UBA6: variants seen among roughly 807,000 people sequenced by gnomAD.
The protein encoded by UBA6 is ubiquitin-like modifier-activating enzyme 6.
A neutral mutation model predicts 148.3 loss-of-function variants in UBA6; 87 were observed. The observed-to-expected ratio is 0.59, with a 90% CI of 0.49 to 0.70. The LOEUF is 0.70. Ranked by LOEUF, UBA6 falls within the 30% of genes least tolerant of loss-of-function variation. UBA6 has a pLI of 0.00. For missense variants in UBA6, 1,186 were observed against 1,241.2 expected, an observed-to-expected ratio of 0.96 and a Z score of 0.67; for synonymous variants, 376 against 401.0, an observed-to-expected ratio of 0.94 and a Z score of 0.75.
At chr4:67,666,647 G>A (rs553684103) in intron 9 of UBA6, among the ~76,000 whole-genome samples, 3 of 152,140 alleles carry the variant, frequency 2.0e-5, no homozygotes, top group Non-Finnish European at 2.9e-5. Flanking sequence ...CAGCCAAGGC[G>A]AGAGGATCAC....
At chr4:67,637,285 C>A (rs1451357211) in intron 19 of UBA6, among the ~76,000 whole-genome samples, 2 of 150,704 alleles carry the variant, frequency 1.3e-5, no homozygotes, top group Non-Finnish European at 3.0e-5. Context: ...GCAGCCCCTG[C>A]CCGGCCAGCC....
At chr4:67,636,813 C>A (rs1364973985) in intron 19 of UBA6, among the ~76,000 whole-genome samples, 1 of 152,064 alleles carries the variant, frequency 6.6e-6, no homozygotes, top group Non-Finnish European at 1.5e-5. Flanking sequence ...CCGGCCGCCA[C>A]CCCGTCTGGG....
At chr4:67,677,944 A>T (rs568276371) in intron 5 of UBA6, among the ~76,000 whole-genome samples, 1 of 151,634 alleles carries the variant, frequency 6.6e-6, no homozygotes, top group South Asian at 2.1e-4. Flanking sequence ...CACAATCTCA[A>T]AGTGTACCCT....
At chr4:67,654,566 C>T (rs1002822764) in intron 13 of UBA6, among the ~76,000 whole-genome samples, 1 of 152,106 alleles carries the variant, frequency 6.6e-6, no homozygotes, top group African/African-American at 2.4e-5. Flanking sequence ...TAACTGGTAC[C>T]AGCCACTGCA....
intron 5 of UBA6, among the ~76,000 whole-genome samples, chr4:67,677,991 T>C (rs180688323): frequency 7.5e-6 from 1 of 133,264 alleles, no homozygotes; most frequent in Non-Finnish European, 1.7e-5. Flanking sequence ...ACTTTCTTAA[T>C]AATTTAGCAA....
chr4:67,622,829 AC>A lies in UBA6; in HGVS notation c.3023+1del. 1 of 1,602,818 alleles carries A rather than the reference AC, an allele frequency of 6.2e-7. No individual in the cohort carries two copies. The highest frequency in any genetic ancestry group is 1.1e-5 in the South Asian group (1 of 88,912). The stretch of plus-strand genomic sequence containing the variant: ...TCGCTGCATATAATGTTGAATACTT[AC>A]GTTAACTTCAATCTTTTTGCATGAC... On this transcript the variant is annotated splice_donor_variant, in intron 32 of 32. Transcript: ENST00000322244. LOFTEE classifies it high-confidence loss of function.
At chr4:67,696,430 CATAT>C (rs768203815) in intron 2 of UBA6, among the ~76,000 whole-genome samples, 9 of 148,992 alleles carry the variant, frequency 6.0e-5, no homozygotes, top group Non-Finnish European at 1.0e-4. Context: ...TATATACACA[CATAT>C]ATATACACAT....
chr4:67,644,569 A>G, intron 17 of UBA6, 129 bp downstream of exon 17: 1 of 597,256 alleles, frequency 1.7e-6, no homozygotes, highest in Non-Finnish European at 3.1e-6. Flanking sequence ...GGGCATGACA[A>G]TCTTCCAATT....
At chr4:67,699,727 G>T (rs1203144152) in intron 1 of UBA6, among the ~76,000 whole-genome samples, 1 of 152,010 alleles carries the variant, frequency 6.6e-6, no homozygotes, top group African/African-American at 2.4e-5. Context: ...TTAGCCTCCC[G>T]AGTAGCTGGG....
At chr4:67,674,881 T>C (rs908494152) in intron 6 of UBA6, among the ~76,000 whole-genome samples, 6 of 152,168 alleles carry the variant, frequency 3.9e-5, no homozygotes, top group Admixed American at 3.3e-4. Flanking sequence ...GGTTTTTTTT[T>C]TGAGACACAG....
At position 67,696,705 on chromosome 4, in the gene UBA6, G is replaced by A; in HGVS notation, c.74C>T (p.Thr25Ile). The change falls in exon 2 of 33, where the codon ACA becomes ATA. Residue 25 changes from threonine to isoleucine, a missense_variant and splice_region_variant. By Grantham distance (89) the Thr-to-Ile change is moderately conservative (BLOSUM62 -1). Transcript: ENST00000322244. Reference sequence around the variant, plus strand: ...TGACATAATGGGCAAATTTTTATTTGTGCTGGAAAAAAAAACATGGTTATT... The same window carrying A: ...TGACATAATGGGCAAATTTTTATTTATGCTGGAAAAAAAAACATGGTTATT... Reference protein sequence around the residue: ...ASCSSWGTGSTNKNLPIMSTA... With the variant: ...ASCSSWGTGSINKNLPIMSTA... 6.2e-7 allele frequency: 1 copy of A among 1,600,518 alleles called. No homozygotes were observed. Among genetic ancestry groups the A allele is most frequent in the Admixed American group, 1.7e-5 (1 of 58,898 alleles).
Position 67,634,239 on chromosome 4 carries a change from T to C in UBA6, c.2013+3A>G. On this transcript the variant is annotated splice_donor_region_variant and intron_variant, in intron 22 of 32. Coordinates refer to ENST00000322244, the MANE Select transcript of UBA6 (RefSeq NM_018227.6). ...GTTTGTATTAAAATTTACTGATTTTTACCTGTAAGACTTCTTCTGCAGATG... is the reference window on the plus strand; with the variant it reads ...GTTTGTATTAAAATTTACTGATTTTCACCTGTAAGACTTCTTCTGCAGATG... The C allele has an allele frequency of 6.4e-7, 1 of 1,571,570 alleles. No homozygotes were observed. The highest frequency in any genetic ancestry group is 8.6e-7 in the Non-Finnish European group (1 of 1,164,424).
intron 7 of UBA6, among the ~76,000 whole-genome samples, chr4:67,671,667 T>C (rs564833792): frequency 2.2e-4 from 33 of 152,290 alleles, no homozygotes; most frequent in Non-Finnish European, 4.1e-4. Context: ...ATAAATATGC[T>C]ATATAAATAC....
rs927895712 is a variant in UBA6 at position 67,649,186 on chromosome 4, T to C, written c.1130A>G (p.His377Arg). Residue 377 changes from histidine (H) to arginine (R), a missense_variant, in exon 14 of 33, where the codon CAT (histidine) becomes CGT (arginine). By Grantham distance (29) the His-to-Arg change is conservative (BLOSUM62 0). Transcript: ENST00000322244. Reference protein sequence around the residue: ...EKPDVNADIVHWLSWTAQGFL... With the variant: ...EKPDVNADIVRWLSWTAQGFL... ...GCCTTGGGCAGTCCAAGAGAGCCAA[T>C]GCACAATGTCAGCATTTACATCAGG... The C allele has an allele frequency of 9.9e-6, 16 of 1,611,872 alleles. No individual in the cohort carries two copies. In the African/African-American group the frequency reaches 1.5e-4, roughly 15 times the overall value.
At chr4:67,649,302 A>G (rs951745234) in intron 13 of UBA6, 91 bp from the exon 14 acceptor site, 99 of 1,265,704 alleles carry the variant, frequency 7.8e-5, no homozygotes, top group Non-Finnish European at 1.0e-4. Flanking sequence ...ATTAGAACTT[A>G]ACTTCTAAAA....
intron 25 of UBA6, among the ~76,000 whole-genome samples, chr4:67,631,064 A>AT (rs1728985427): frequency 1.3e-5 from 2 of 152,172 alleles, no homozygotes; most frequent in African/African-American, 4.8e-5. Flanking sequence ...AGTGTTTAAA[A>AT]ATATATATAC....
intron 2 of UBA6, among the ~76,000 whole-genome samples, chr4:67,694,215 C>CAAAAAAAAAAAAAAAAAA (rs769649769): frequency 1.7e-4 from 7 of 41,854 alleles, no homozygotes; most frequent in Non-Finnish European, 2.4e-4. Flanking sequence ...GACTCCATCT[C>CAAAAAAAAAAAAAAAAAA]AAAAAAAAAA....
chr4:67,671,582 C>G (rs1441198786), intron 7 of UBA6, among the ~76,000 whole-genome samples: 2 of 151,948 alleles, frequency 1.3e-5, no homozygotes, highest in Non-Finnish European at 2.9e-5. Flanking sequence ...CTGCTGTGCC[C>G]TATTGTAAGT....
In UBA6 at chr4:67,641,239, G is replaced by A; in HGVS notation, c.1477-11C>T. On this transcript the variant is annotated splice_polypyrimidine_tract_variant and intron_variant, in intron 17 of 32. Transcript: ENST00000322244. ...ATCTGTAACTGTAATCTAATATCAA[G>A]AAAATATGGCTGAAATTACATAATG... 1 of 1,490,736 alleles carries A rather than the reference G, an allele frequency of 6.7e-7. No homozygotes were observed. The highest frequency in any genetic ancestry group is 9.2e-7 in the Non-Finnish European group (1 of 1,084,926). The allele number at this position is 1,490,736 out of a possible 1,614,324, so 92.3% of individuals were successfully genotyped here. A position where few individuals can be genotyped will look rare whatever the true frequency, so the allele number is the denominator to read the frequency against.
Sources: gnomAD v4.1 joint callset for allele counts (sites outside exome capture counted in the v4.1 genomes callset) on GRCh38, gnomAD v4.1.1 for gene constraint, MANE v1.5 for transcripts, NCBI Gene and HGNC (gene_info 2026-07-23, HGNC 2026-07-21) for gene names.